CNIH3: variants seen among roughly 807,000 people sequenced by gnomAD.
The protein encoded by CNIH3 is protein cornichon homolog 3.
A neutral mutation model predicts 24.1 loss-of-function variants in CNIH3; 14 were observed. The ratio of observed to expected loss-of-function variants is 0.58; its 90% CI spans 0.38 to 0.91. CNIH3 has a LOEUF of 0.91. Among genes scored for constraint, CNIH3 ranks in the 40% least tolerant of loss-of-function variants. The pLI is 0.00. For synonymous variants in CNIH3, 68 were observed against 73.8 expected, an observed-to-expected ratio of 0.92 and a Z score of 0.40; for missense variants, 178 against 196.8, an observed-to-expected ratio of 0.90 and a Z score of 0.57.
intron 1 of CNIH3, among the ~76,000 whole-genome samples, chr1:224,446,209 TTTG>T (rs942938713): frequency 1.1e-5 from 1 of 95,076 alleles, no homozygotes; most frequent in African/African-American, 3.2e-5. Flanking sequence ...TTATTTCAAC[TTTG>T]TTTTTTTTTT....
At chr1:224,533,387 C>CA (rs146941595) in intron 2 of CNIH3, among the ~76,000 whole-genome samples, 6,081 of 103,290 alleles carry the variant, frequency 0.059, 152 homozygotes, top group Middle Eastern at 0.071. Context: ...GAACCCGTCT[C>CA]AAAAAAAAAA....
intron 3 of CNIH3, among the ~76,000 whole-genome samples, chr1:224,713,095 G>A (rs548047350): frequency 6.6e-6 from 1 of 152,322 alleles, no homozygotes; most frequent in African/African-American, 2.4e-5. Flanking sequence ...GTTGTTGAAT[G>A]TTCCTTTCTT....
At chr1:224,457,421 A>G (rs1028417355) in intron 1 of CNIH3, among the ~76,000 whole-genome samples, 1 of 151,452 alleles carries the variant, frequency 6.6e-6, no homozygotes, top group Admixed American at 6.6e-5. Context: ...CCTAGCCTTT[A>G]CATTTCCCAT....
At chr1:224,522,550 C>T (rs1678680213) in intron 2 of CNIH3, among the ~76,000 whole-genome samples, 1 of 152,112 alleles carries the variant, frequency 6.6e-6, no homozygotes, top group Admixed American at 6.5e-5. Flanking sequence ...ACAAACAACT[C>T]CAGCAAATAA....
chr1:224,647,086 A>G (rs1450965872), intron 1 of CNIH3, among the ~76,000 whole-genome samples: 4 of 152,254 alleles, frequency 2.6e-5, no homozygotes, highest in East Asian at 3.9e-4. Flanking sequence ...TCCTGGGTCC[A>G]AGCGATTCTC....
intron 1 of CNIH3, among the ~76,000 whole-genome samples, chr1:224,654,368 C>G (rs1685002975): frequency 1.3e-5 from 2 of 152,168 alleles, no homozygotes; most frequent in Non-Finnish European, 2.9e-5. Flanking sequence ...GGCAACAGAG[C>G]AAGACTCCAT....
At chr1:224,560,467 G>A (rs1315330605) in intron 3 of CNIH3, among the ~76,000 whole-genome samples, 2 of 152,082 alleles carry the variant, frequency 1.3e-5, no homozygotes, top group African/African-American at 2.4e-5. Flanking sequence ...AGCAGGAGGC[G>A]AGCAGTGGGT....
intron 1 of CNIH3, among the ~76,000 whole-genome samples, chr1:224,479,721 C>T (rs1676730303): frequency 6.6e-6 from 1 of 152,234 alleles, no homozygotes; most frequent in African/African-American, 2.4e-5. Context: ...TCTCCTTTAA[C>T]TCCATGTCTC....
At chr1:224,512,065 C>T (rs570934782), upstream of CNIH3, among the ~76,000 whole-genome samples, 21 of 151,986 alleles carry the variant, frequency 1.4e-4, no homozygotes, top group Non-Finnish European at 3.1e-4. Flanking sequence ...ATCCTAGCTA[C>T]TAGGGAGGCT....
intron 1 of CNIH3, among the ~76,000 whole-genome samples, chr1:224,440,340 CT>C (rs1369607018): frequency 6.6e-6 from 1 of 152,180 alleles, no homozygotes; most frequent in Non-Finnish European, 1.5e-5. Flanking sequence ...AGTGGTCTTT[CT>C]GCCCCAGCCT....
In CNIH3 at chr1:224,496,380, A is replaced by G. The variant is rs117190442; in HGVS notation, n.204-19361A>G. ...CCATTCAGCTCTGGCCCACCTAACT[A>G]GTGTTGCTGATGACACCCCTTCTGC... On this transcript the variant is annotated intron_variant and non_coding_transcript_variant, in intron 1 of 5. Transcript: ENST00000471578. 9.3e-4 allele frequency among the ~76,000 whole-genome samples: 141 copies of G among 152,186 alleles called. 2 individuals are homozygous for G. The East Asian group carries it at 0.022, about 24-fold the overall frequency.
chr1:224,636,418 T>C (rs1391418854), intron 1 of CNIH3, among the ~76,000 whole-genome samples: 3 of 152,340 alleles, frequency 2.0e-5, no homozygotes, highest in Middle Eastern at 3.4e-3. Flanking sequence ...TCACAGCCTA[T>C]TCAGGACGAA....
intron 1 of CNIH3, among the ~76,000 whole-genome samples, chr1:224,444,576 C>T (rs536551365): frequency 6.6e-6 from 1 of 152,166 alleles, no homozygotes; most frequent in Admixed American, 6.5e-5. Flanking sequence ...TCTCAAACTC[C>T]TGACCGTGTG....
downstream of CNIH3, among the ~76,000 whole-genome samples, chr1:224,540,385 A>C (rs712085): frequency 0.31 from 47,203 of 152,198 alleles, 9,888 homozygotes; most frequent in African/African-American, 0.6. Flanking sequence ...CTAATTCAAT[A>C]GCCACCCATG....
In CNIH3 at chr1:224,606,330, C is replaced by T. The variant is rs570481425; in HGVS notation, n.402+40066C>T. 2.4e-4 allele frequency among the ~76,000 whole-genome samples: 37 copies of T among 152,022 alleles called. 1 individual carries two copies. The South Asian group carries it at 6.9e-3, about 28-fold the overall frequency. Reference sequence around the variant, plus strand: ...GCTGTGTGAATGAACTGAAGGGTGGCGAATGTGGAGGATTTTACTGAGTGG... The same window carrying T: ...GCTGTGTGAATGAACTGAAGGGTGGTGAATGTGGAGGATTTTACTGAGTGG... On this transcript the variant is annotated intron_variant and non_coding_transcript_variant, in intron 3 of 7. Transcript: ENST00000478120.
chr1:224,547,449 A>T (rs562711473), intron 3 of CNIH3, among the ~76,000 whole-genome samples: 1 of 151,994 alleles, frequency 6.6e-6, no homozygotes, highest in South Asian at 2.1e-4. Flanking sequence ...ACACACTGTG[A>T]TCGTATTCAT....
chr1:224,500,502 T>A (rs891429023), intron 1 of CNIH3, among the ~76,000 whole-genome samples: 3 of 151,974 alleles, frequency 2.0e-5, no homozygotes, highest in African/African-American at 7.3e-5. Context: ...CGAAACTCTA[T>A]CTCTACCAAA....
At chr1:224,561,842 C>G (rs965307706) in intron 3 of CNIH3, among the ~76,000 whole-genome samples, 2 of 152,072 alleles carry the variant, frequency 1.3e-5, no homozygotes, top group African/African-American at 4.8e-5. Context: ...GTGAGTAGAA[C>G]CTAGAATAAG....
At chr1:224,450,230 G>A (rs1266106663) in intron 1 of CNIH3, among the ~76,000 whole-genome samples, 2 of 152,096 alleles carry the variant, frequency 1.3e-5, no homozygotes, top group African/African-American at 4.8e-5. Context: ...TTCTAGTCTT[G>A]TATTGTGTCT....
Sources: allele counts gnomAD v4.1 joint callset (sites outside exome capture counted in the v4.1 genomes callset), GRCh38; gene constraint gnomAD v4.1.1; transcripts MANE v1.5; gene names NCBI Gene and HGNC (gene_info 2026-07-23, HGNC 2026-07-21).